FHIT: variants seen among roughly 807,000 people sequenced by gnomAD.
FHIT encodes bis(5'-adenosyl)-triphosphatase.
FHIT carries 19 observed loss-of-function variants against 17.9 expected under a neutral mutation model. The ratio of observed to expected loss-of-function variants is 1.06; its 90% CI spans 0.74 to 1.56. The LOEUF is 1.56. FHIT is among the 40% of genes most tolerant of loss of function. The probability of loss-of-function intolerance (pLI) is 0.00; values close to 1 mark genes in which losing one functional copy is unlikely to be tolerated. For synonymous variants in FHIT, 81 were observed against 69.7 expected, an observed-to-expected ratio of 1.16 and a Z score of -0.81; for missense variants, 248 against 189.2, an observed-to-expected ratio of 1.31 and a Z score of -1.82.
chr3:59,873,822 T>C lies in FHIT; in HGVS notation c.348+48524A>G, dbSNP rs147644084. 4.5e-4 allele frequency among the ~76,000 whole-genome samples: 69 copies of C among 152,324 alleles called. 1 individual carries two copies. The highest frequency in any genetic ancestry group is 1.6e-3 in the African/African-American group (66 of 41,560). On this transcript the variant is annotated intron_variant, in intron 8 of 9. Transcript: ENST00000492590. ...GGAAATTATTAATAGTACTCCCCTT[T>C]CACTTTCACATGTGTTCCAGTTTAG...
chr3:60,924,649 G>A (rs868918526), intron 3 of FHIT, among the ~76,000 whole-genome samples: 8 of 152,210 alleles, frequency 5.3e-5, no homozygotes, highest in East Asian at 1.9e-4. Context: ...AAATCAGAGC[G>A]CCTCTCCTCC....
chr3:60,214,403 T>C (rs949308778), intron 5 of FHIT, among the ~76,000 whole-genome samples: 1 of 152,158 alleles, frequency 6.6e-6, no homozygotes, highest in Non-Finnish European at 1.5e-5. Flanking sequence ...TAAAAAAGCA[T>C]AGTATTCTAT....
At chr3:60,490,302 CAAAA>C (rs1559487529) in intron 5 of FHIT, among the ~76,000 whole-genome samples, 1 of 151,862 alleles carries the variant, frequency 6.6e-6, no homozygotes, top group Non-Finnish European at 1.5e-5. Flanking sequence ...GTTACTGCTT[CAAAA>C]TAAACTCTCA....
chr3:60,373,483 T>C (rs777053558), intron 5 of FHIT, among the ~76,000 whole-genome samples: 3 of 152,140 alleles, frequency 2.0e-5, no homozygotes, highest in Non-Finnish European at 4.4e-5. Context: ...GCCACCATCA[T>C]AGGAGCTCAG....
intron 5 of FHIT, among the ~76,000 whole-genome samples, chr3:60,341,051 C>T (rs1710493393): frequency 6.6e-6 from 1 of 152,050 alleles, no homozygotes; most frequent in African/African-American, 2.4e-5. Context: ...AATATGATAC[C>T]TCCATATTTG....
intron 3 of FHIT, among the ~76,000 whole-genome samples, chr3:60,972,419 T>C (rs1382682230): frequency 6.6e-6 from 1 of 152,232 alleles, no homozygotes. Flanking sequence ...TCCATTGTTT[T>C]GGTTTAAAAA....
chr3:61,041,659 G>A (rs1463430115), intron 3 of FHIT, among the ~76,000 whole-genome samples: 8 of 149,468 alleles, frequency 5.4e-5, no homozygotes, highest in African/African-American at 1.7e-4. Flanking sequence ...AGACAGGTAT[G>A]ATTCCACAAT....
rs376239826 is a variant in FHIT at position 60,385,163 on chromosome 3, C to T, written c.103+151697G>A. ...CTCTGAATTCTACTTGATTCAACAACTTAAGATGCAATGGAAATAATAATG... is the reference window on the plus strand; with the variant it reads ...CTCTGAATTCTACTTGATTCAACAATTTAAGATGCAATGGAAATAATAATG... On this transcript the variant is annotated intron_variant, in intron 5 of 9. Transcript: ENST00000492590. 7.2e-5 allele frequency among the ~76,000 whole-genome samples: 11 copies of T among 152,236 alleles called. No individual in the cohort carries two copies. The East Asian group carries it at 1.9e-3, about 27-fold the overall frequency.
intron 3 of FHIT, among the ~76,000 whole-genome samples, chr3:60,900,584 T>G (rs1553762949): frequency 6.6e-6 from 1 of 152,170 alleles, no homozygotes; most frequent in African/African-American, 2.4e-5. Flanking sequence ...TGAGCCTGCA[T>G]GGACACTTCT....
intron 8 of FHIT, among the ~76,000 whole-genome samples, chr3:59,789,881 CATCTGGCTTCCATTGAATAAAGA>C (rs1227541475): frequency 6.6e-6 from 1 of 152,160 alleles, no homozygotes; most frequent in African/African-American, 2.4e-5. Context: ...TAACTGTAAG[CATCTGGCTTCCATTGAATAAAGA>C]ATCGAAGCCA....
intron 7 of FHIT, among the ~76,000 whole-genome samples, chr3:60,010,007 A>G (rs181293183): frequency 1.3e-5 from 2 of 152,182 alleles, no homozygotes; most frequent in African/African-American, 2.4e-5. Flanking sequence ...GCATTCCCCC[A>G]TGTCACTAGC....
At chr3:60,286,990 T>C (rs1265548149) in intron 5 of FHIT, among the ~76,000 whole-genome samples, 3 of 152,176 alleles carry the variant, frequency 2.0e-5, no homozygotes, top group Non-Finnish European at 2.9e-5. Context: ...ATTAGCCTGA[T>C]GACCCTTCTT....
chr3:60,429,902 A>G (rs999188966), intron 5 of FHIT, among the ~76,000 whole-genome samples: 2 of 152,030 alleles, frequency 1.3e-5, no homozygotes, highest in Non-Finnish European at 2.9e-5. Flanking sequence ...CTAAACACCT[A>G]TGGAAGAAGC....
At chr3:61,212,304 T>G (rs1158111052) in intron 1 of FHIT, among the ~76,000 whole-genome samples, 2 of 152,046 alleles carry the variant, frequency 1.3e-5, no homozygotes, top group African/African-American at 4.8e-5. Flanking sequence ...GAGAAGTGCT[T>G]AAAGGAGCTG....
intron 5 of FHIT, among the ~76,000 whole-genome samples, chr3:60,157,780 A>T (rs540028844): frequency 6.6e-6 from 1 of 152,176 alleles, no homozygotes; most frequent in South Asian, 2.1e-4. Context: ...CAGCCACAGG[A>T]ACTGGAAACT....
At chr3:60,353,635 A>G (rs539927106) in intron 5 of FHIT, among the ~76,000 whole-genome samples, 8 of 152,148 alleles carry the variant, frequency 5.3e-5, no homozygotes, top group Non-Finnish European at 1.0e-4. Context: ...TTAAACATCT[A>G]TGCAAACATA....
intron 8 of FHIT, among the ~76,000 whole-genome samples, chr3:59,816,603 G>A (rs1478494255): frequency 6.6e-6 from 1 of 152,092 alleles, no homozygotes; most frequent in Admixed American, 6.5e-5. Context: ...TCAGGGAGCA[G>A]GAAAGTGGAG....
chr3:60,502,528 C>A (rs1447013486), intron 5 of FHIT, among the ~76,000 whole-genome samples: 5 of 152,172 alleles, frequency 3.3e-5, no homozygotes, highest in Admixed American at 3.3e-4. Flanking sequence ...AAGGATCCTG[C>A]AAAGTTCTAG....
At chr3:59,911,688 A>T (rs11922668) in intron 8 of FHIT, among the ~76,000 whole-genome samples, 15,987 of 152,166 alleles carry the variant, frequency 0.11, 1,275 homozygotes, top group East Asian at 0.38. Context: ...AATTTGAACT[A>T]CTATTGTAAT....
Sources: allele counts gnomAD v4.1 joint callset (sites outside exome capture counted in the v4.1 genomes callset), GRCh38; gene constraint gnomAD v4.1.1; transcripts MANE v1.5; gene names NCBI Gene and HGNC (gene_info 2026-07-23, HGNC 2026-07-21).